BAALC: variants seen among roughly 807,000 people sequenced by gnomAD.
BAALC encodes the protein BAALC binder of MAP3K1 and KLF4, also known as brain and acute leukemia cytoplasmic protein.
A neutral mutation model predicts 15.5 loss-of-function variants in BAALC; 9 were observed. The ratio of observed to expected loss-of-function variants is 0.58; its 90% CI spans 0.35 to 1.02. The LOEUF is 1.02. BAALC is among the 50% of genes least tolerant of loss of function. The pLI is 0.02. For synonymous variants in BAALC, 80 were observed against 74.6 expected (o/e 1.07, Z -0.37); for missense variants, 201 against 192.4 (o/e 1.04, Z -0.27).
intron 2 of BAALC, among the ~76,000 whole-genome samples, chr8:103,215,943 A>G (rs1247427718): frequency 6.6e-6 from 1 of 152,248 alleles, no homozygotes; most frequent in East Asian, 1.9e-4. Flanking sequence ...TCACCAGCCC[A>G]GAAATCCACA....
At chr8:103,200,858 C>G in intron 1 of BAALC, 2 of 538,290 alleles carry the variant, frequency 3.7e-6, no homozygotes, top group Non-Finnish European at 7.0e-6. Context: ...AAAGGTCCTG[C>G]CTCTTAATAC....
At chr8:103,214,809 G>GA in intron 2 of BAALC, 1 of 152,388 alleles carries the variant, frequency 6.6e-6, no homozygotes, top group African/African-American at 2.4e-5. Context: ...CCACTTAAAT[G>GA]AAACACTAAT....
At chr8:103,183,572 T>G in intron 1 of BAALC, 1 of 646,962 alleles carries the variant, frequency 1.5e-6, no homozygotes, top group South Asian at 1.7e-5. Context: ...CAGGCCCAGG[T>G]GTCATGAAGC....
chr8:103,192,347 C>T (rs769651260), intron 1 of BAALC, among the ~76,000 whole-genome samples: 6 of 152,222 alleles, frequency 3.9e-5, no homozygotes, highest in Non-Finnish European at 7.3e-5. Context: ...CCACCGCACC[C>T]GGCCAACTAC....
intron 1 of BAALC, among the ~76,000 whole-genome samples, chr8:103,151,701 C>G (rs936804147): frequency 6.6e-6 from 1 of 152,002 alleles, no homozygotes; most frequent in Non-Finnish European, 1.5e-5. Flanking sequence ...CATTAATATG[C>G]GGTGACAGAC....
chr8:103,169,684 T>C (rs904154798), intron 1 of BAALC, among the ~76,000 whole-genome samples: 2 of 152,066 alleles, frequency 1.3e-5, no homozygotes, highest in Admixed American at 6.6e-5. Context: ...CCTGACTGAG[T>C]AGGGGAAGAA....
intron 2 of BAALC, among the ~76,000 whole-genome samples, chr8:103,215,719 C>T (rs1416703830): frequency 1.3e-5 from 2 of 152,170 alleles, no homozygotes; most frequent in African/African-American, 2.4e-5. Context: ...TGACTAATAT[C>T]CCATTGGCCA....
At chr8:103,190,178 AG>A (rs1811933671) in intron 1 of BAALC, among the ~76,000 whole-genome samples, 1 of 152,206 alleles carries the variant, frequency 6.6e-6, no homozygotes, top group Non-Finnish European at 1.5e-5. Flanking sequence ...ACTGGCTTGA[AG>A]GTAACATGGT....
At chr8:103,173,359 T>G (rs1368114293) in intron 1 of BAALC, among the ~76,000 whole-genome samples, 2 of 152,184 alleles carry the variant, frequency 1.3e-5, no homozygotes, top group Non-Finnish European at 2.9e-5. Context: ...CATCATGAAG[T>G]ATAGAGATCT....
intron 1 of BAALC, among the ~76,000 whole-genome samples, chr8:103,184,871 T>G (rs762897631): frequency 6.6e-6 from 1 of 152,196 alleles, no homozygotes; most frequent in Non-Finnish European, 1.5e-5. Context: ...CGCAGAGAGC[T>G]GTCGTTTATT....
At chr8:103,152,391 G>C (rs1432320687) in intron 1 of BAALC, among the ~76,000 whole-genome samples, 1 of 152,118 alleles carries the variant, frequency 6.6e-6, no homozygotes, top group Non-Finnish European at 1.5e-5. Context: ...CGCCCCCTCT[G>C]TGTGGTTAAC....
intron 1 of BAALC, among the ~76,000 whole-genome samples, chr8:103,197,465 T>C (rs1206302601): frequency 2.6e-5 from 4 of 152,240 alleles, no homozygotes; most frequent in African/African-American, 7.2e-5. Context: ...CGAGTCTTTC[T>C]ATCTTTGTAT....
At chr8:103,197,253 GA>G (rs1026699269) in intron 1 of BAALC, among the ~76,000 whole-genome samples, 2 of 152,178 alleles carry the variant, frequency 1.3e-5, no homozygotes, top group Admixed American at 6.5e-5. Flanking sequence ...GAGTCTGGCA[GA>G]TCTGGGCGGA....
intron 1 of BAALC, chr8:103,172,153 G>A (rs1260665712): frequency 2.0e-5 from 3 of 151,174 alleles, no homozygotes; most frequent in African/African-American, 4.9e-5. Flanking sequence ...GTTTCCATGG[G>A]GAAGTGTTTG....
chr8:103,147,382 A>T (rs1295944120), intron 1 of BAALC, among the ~76,000 whole-genome samples: 1 of 152,250 alleles, frequency 6.6e-6, no homozygotes, highest in Non-Finnish European at 1.5e-5. Flanking sequence ...ACTCAACTGT[A>T]TATTTTTAAA....
intron 1 of BAALC, among the ~76,000 whole-genome samples, chr8:103,181,925 A>C (rs1811738387): frequency 6.6e-6 from 1 of 152,182 alleles, no homozygotes; most frequent in Non-Finnish European, 1.5e-5. Flanking sequence ...AACATAAGAA[A>C]TGTATTCATA....
intron 1 of BAALC, among the ~76,000 whole-genome samples, chr8:103,180,784 G>A (rs1455525819): frequency 1.3e-5 from 2 of 152,332 alleles, no homozygotes; most frequent in Admixed American, 1.3e-4. Flanking sequence ...AGCAATGATT[G>A]TGTGAAAATA....
chr8:103,150,235 G>A (rs1045843754), intron 1 of BAALC, among the ~76,000 whole-genome samples: 2 of 152,128 alleles, frequency 1.3e-5, no homozygotes, highest in Non-Finnish European at 2.9e-5. Context: ...CCTCCCACCT[G>A]GCCCCTCCCA....
chr8:103,224,088 C>T (rs766093160), intron 2 of BAALC, among the ~76,000 whole-genome samples: 2 of 149,606 alleles, frequency 1.3e-5, no homozygotes, highest in African/African-American at 5.0e-5. Context: ...TGCGTGTGTG[C>T]ATATGTGCAT....
Sources: allele counts gnomAD v4.1 joint callset (sites outside exome capture counted in the v4.1 genomes callset), GRCh38; gene constraint gnomAD v4.1.1; transcripts MANE v1.5; gene names NCBI Gene and HGNC (gene_info 2026-07-23, HGNC 2026-07-21).